NFYC: variants seen among roughly 807,000 people sequenced by gnomAD.
The protein encoded by NFYC is nuclear transcription factor Y subunit gamma.
NFYC carries 25 observed loss-of-function variants against 53.1 expected under a neutral mutation model. The ratio of observed to expected loss-of-function variants is 0.47; its 90% CI spans 0.34 to 0.66. The LOEUF is 0.66. Ranked by LOEUF, NFYC falls within the 30% of genes least tolerant of loss-of-function variation. The pLI is 0.01. For missense variants in NFYC, 260 were observed against 422.7 expected, an observed-to-expected ratio of 0.62 and a Z score of 3.38; for synonymous variants, 145 against 152.6, an observed-to-expected ratio of 0.95 and a Z score of 0.37.
intron 1 of NFYC, among the ~76,000 whole-genome samples, chr1:40,734,369 T>C (rs1014242175): frequency 7.3e-5 from 11 of 151,230 alleles, no homozygotes; most frequent in Non-Finnish European, 1.5e-4. Context: ...TATTTATTTA[T>C]TTATTTATTT....
At chr1:40,739,251 T>C (rs1645213055) in intron 2 of NFYC, among the ~76,000 whole-genome samples, 1 of 152,236 alleles carries the variant, frequency 6.6e-6, no homozygotes, top group Non-Finnish European at 1.5e-5. Context: ...GATCTCATCT[T>C]CCTTCAGTAG....
At chr1:40,724,083 T>C (rs1308306835) in intron 1 of NFYC, among the ~76,000 whole-genome samples, 2 of 152,124 alleles carry the variant, frequency 1.3e-5, no homozygotes, top group African/African-American at 2.4e-5. Flanking sequence ...TATAAACTAA[T>C]TAGGGGCTGG....
intron 8 of NFYC, chr1:40,767,153 T>C (rs1274162845): frequency 1.6e-6 from 1 of 616,094 alleles, no homozygotes; most frequent in Non-Finnish European, 2.9e-6. Flanking sequence ...GCCCTTCTCC[T>C]CTCCTCTCGT....
chr1:40,749,370 T>G (rs1274262909), intron 3 of NFYC, among the ~76,000 whole-genome samples: 1 of 152,198 alleles, frequency 6.6e-6, no homozygotes, highest in Non-Finnish European at 1.5e-5. Flanking sequence ...GTTTGGCGCA[T>G]GGTATGTGCT....
intron 8 of NFYC, chr1:40,768,884 C>T (rs372083954): frequency 1.3e-3 from 205 of 158,876 alleles, no homozygotes; most frequent in African/African-American, 4.8e-3. Flanking sequence ...GTTTCATATT[C>T]CAGTCAGATG....
At chr1:40,762,786 G>T in intron 6 of NFYC, 102 bp from the exon 7 acceptor site, 1 of 1,129,200 alleles carries the variant, frequency 8.9e-7, no homozygotes, top group Non-Finnish European at 1.2e-6. Context: ...GGCATTCATG[G>T]AGAGGGTTTG....
At chr1:40,759,542 AAAAC>A (rs1274448460) in intron 6 of NFYC, among the ~76,000 whole-genome samples, 3 of 140,286 alleles carry the variant, frequency 2.1e-5, no homozygotes, top group Admixed American at 7.6e-5. Context: ...TCTCAAAAAA[AAAAC>A]AAAAAAAAGT....
At position 40,770,687 on chromosome 1, in the gene NFYC, C is replaced by T; in HGVS notation, c.889-22C>T. ...CCCCTCTCCCAGGGATGACCTCACT[C>T]TCTCCTCTCCACCCCTCGCAGCAGC... On this transcript the variant is annotated intron_variant, in intron 9 of 9. Transcript: ENST00000447388. This position sits in a 1 kb window ranked among gnomAD's most constrained non-coding sequence, Gnocchi z 5.3. 6.2e-7 allele frequency: 1 copy of T among 1,614,124 alleles called. No individual in the cohort carries two copies. The highest frequency in any genetic ancestry group is 2.2e-5 in the East Asian group (1 of 44,876).
At chr1:40,696,827 C>T (rs947755334) in intron 1 of NFYC, among the ~76,000 whole-genome samples, 2 of 152,204 alleles carry the variant, frequency 1.3e-5, no homozygotes, top group Admixed American at 6.5e-5. Context: ...TGATGTCTTA[C>T]AGTCTTTCTT....
Position 40,691,786 on chromosome 1 carries a change from C to G in NFYC, c.-90C>G. 1 of 452,996 alleles carries G rather than the reference C, an allele frequency of 2.2e-6. No homozygotes were observed. The highest frequency in any genetic ancestry group is 4.4e-6 in the Non-Finnish European group (1 of 225,314). 28.1% of individuals were successfully genotyped at this position (452,996 alleles called of 1,614,324 possible). A position where few individuals can be genotyped will look rare whatever the true frequency, so the allele number is the denominator to read the frequency against. The stretch of plus-strand genomic sequence containing the variant: ...CGTGACGCACACTTCCCCCTCCCCT[C>G]CGCCGCGCCTGGGCCTCTGCATTGC... On this transcript the variant is annotated 5_prime_UTR_variant, in exon 1 of 10. Coordinates refer to ENST00000447388, the MANE Select transcript of NFYC (RefSeq NM_014223.5).
intron 1 of NFYC, among the ~76,000 whole-genome samples, chr1:40,719,989 G>T (rs1644272682): frequency 6.6e-6 from 1 of 152,194 alleles, no homozygotes; most frequent in East Asian, 1.9e-4. Context: ...TGTAAAGTAT[G>T]TACAAATGTA....
At chr1:40,746,119 C>T (rs980920508) in intron 2 of NFYC, among the ~76,000 whole-genome samples, 8 of 152,284 alleles carry the variant, frequency 5.3e-5, no homozygotes, top group African/African-American at 1.7e-4. Context: ...AATGAACCTG[C>T]GCTACTGTTT....
At chr1:40,769,128 T>C (rs989805234) in intron 8 of NFYC, 1 of 520,890 alleles carries the variant, frequency 1.9e-6, no homozygotes, top group Non-Finnish European at 3.5e-6. Flanking sequence ...GTGGGAACTA[T>C]CTATTATGTG....
At chr1:40,696,179 A>C (rs1281173539) in intron 1 of NFYC, among the ~76,000 whole-genome samples, 1 of 151,914 alleles carries the variant, frequency 6.6e-6, no homozygotes, top group East Asian at 1.9e-4. Context: ...GCCCGCCACC[A>C]TGCCTGGCTA....
rs77630847 is a variant in NFYC, at chr1:40,742,713, T to C, written c.105+3765T>C. On this transcript the variant is annotated intron_variant, in intron 2 of 9. Transcript: ENST00000447388. Reference sequence around the variant, plus strand: ...GTGCACAATAAATATTTGAACAAATTAGACTCCACTTCAGGTTTAGTGCAA... The same window carrying C: ...GTGCACAATAAATATTTGAACAAATCAGACTCCACTTCAGGTTTAGTGCAA... Among the ~76,000 whole-genome samples the C allele has an allele frequency of 3.9e-3, 590 of 152,338 alleles. 4 individuals carry two copies. Among genetic ancestry groups the C allele is most frequent in the Non-Finnish European group, 5.7e-3 (389 of 68,040 alleles).
chr1:40,718,938 C>T (rs1377063995), intron 1 of NFYC, among the ~76,000 whole-genome samples: 1 of 152,190 alleles, frequency 6.6e-6, no homozygotes, highest in African/African-American at 2.4e-5. Context: ...GTGGCACGAT[C>T]TTGGCTCACT....
At chr1:40,704,104 C>T (rs1254035848) in intron 1 of NFYC, among the ~76,000 whole-genome samples, 1 of 148,208 alleles carries the variant, frequency 6.7e-6, no homozygotes. Flanking sequence ...TTGGAGACAG[C>T]TCTGTCTCCC....
At chr1:40,757,102 C>T (rs1646268055) in intron 5 of NFYC, among the ~76,000 whole-genome samples, 1 of 152,162 alleles carries the variant, frequency 6.6e-6, no homozygotes, top group South Asian at 2.1e-4. Flanking sequence ...AAACTTTGCC[C>T]TGAATAAGGA....
At chr1:40,723,070 A>C (rs895654089) in intron 1 of NFYC, 6 of 152,188 alleles carry the variant, frequency 3.9e-5, no homozygotes, top group Non-Finnish European at 8.8e-5. Flanking sequence ...AAATTGGAAT[A>C]ATATTGGTAA....
Sources: gnomAD v4.1 joint callset for allele counts (sites outside exome capture counted in the v4.1 genomes callset) on GRCh38, gnomAD v4.1.1 for gene constraint, Gnocchi (gnomAD v3.1) non-coding constraint, MANE v1.5 for transcripts, NCBI Gene and HGNC (gene_info 2026-07-23, HGNC 2026-07-21) for gene names.